COL2A1: variants seen among roughly 807,000 people sequenced by gnomAD.
The protein encoded by COL2A1 is collagen alpha-1(II) chain.
COL2A1 carries 28 observed loss-of-function variants against 204.5 expected under a neutral mutation model. The ratio of observed to expected loss-of-function variants is 0.14; its 90% confidence interval spans 0.10 to 0.19. The LOEUF is 0.19. COL2A1 is among the 10% of genes least tolerant of loss of function. The pLI, the probability that COL2A1 is intolerant of heterozygous loss-of-function variation, is 1.00. For missense variants in COL2A1, 1,388 were observed against 2,027.5 expected (o/e 0.68, Z 6.06); for synonymous variants, 708 against 718.7 (o/e 0.99, Z 0.24).
At chr12:48,002,223 C>A (rs771831832) in intron 1 of COL2A1, among the ~76,000 whole-genome samples, 1 of 152,210 alleles carries the variant, frequency 6.6e-6, no homozygotes, top group Non-Finnish European at 1.5e-5. Context: ...GGATTGAGAT[C>A]TCTCCCCTGA....
rs1402235980 is a variant in COL2A1, at chr12:47,980,329, CAGG to C, written c.2625+222_2625+224del. On this transcript the variant is annotated intron_variant, in intron 39 of 53. Coordinates refer to ENST00000380518, the MANE Select transcript of COL2A1 (RefSeq NM_001844.5). This position sits in a 1 kb window ranked among gnomAD's most constrained non-coding sequence, Gnocchi z 4.5. Reference sequence around the variant, plus strand: ...CTTCCTGCCACCGCCCCCTCCTCCCCAGGAGATCAGCAGCTTGGTTCTGGCTGG... The same window carrying C: ...CTTCCTGCCACCGCCCCCTCCTCCCCAGATCAGCAGCTTGGTTCTGGCTGG... 6.6e-6 allele frequency among the ~76,000 whole-genome samples: 1 copy of C among 152,166 alleles called. No individual in the cohort carries two copies. The highest frequency in any genetic ancestry group is 1.5e-5 in the Non-Finnish European group (1 of 68,012).
intron 9 of COL2A1, 35 bp from the exon 10 acceptor site, chr12:47,995,798 T>C (rs758677208): frequency 2.9e-5 from 46 of 1,612,042 alleles, no homozygotes; most frequent in Admixed American, 5.0e-5. Flanking sequence ...GGTCAATCCC[T>C]ATAAACTGCT....
intron 1 of COL2A1, chr12:48,002,948 C>G (rs1004234830): frequency 2.0e-5 from 3 of 152,276 alleles, no homozygotes; most frequent in Non-Finnish European, 2.9e-5. Flanking sequence ...TCCCTGGAAA[C>G]AGCCTGGTGG....
Position 47,980,764 on chromosome 12 carries a change from G to T in COL2A1, c.2518-103C>A. The T allele has an allele frequency of 7.2e-7, 1 of 1,387,168 alleles. No homozygotes were observed. Among genetic ancestry groups the T allele is most frequent in the Non-Finnish European group, 1.0e-6 (1 of 996,632 alleles). The allele number at this position is 1,387,168 out of a possible 1,614,324, so 85.9% of individuals were successfully genotyped here. ...TGTGAGTATCTGCGTGTGTGTCCTG[G>T]TCTGGACATGATGGTTCTATTAGTA... On this transcript the variant is annotated intron_variant, in intron 38 of 53. Coordinates refer to ENST00000380518, the MANE Select transcript of COL2A1 (RefSeq NM_001844.5). This position sits in a 1 kb window ranked among gnomAD's most constrained non-coding sequence, Gnocchi z 4.5.
chr12:47,993,103 A>T (rs1159432561), intron 15 of COL2A1, among the ~76,000 whole-genome samples, 172 bp from the exon 16 acceptor site: 1 of 152,144 alleles, frequency 6.6e-6, no homozygotes, highest in Non-Finnish European at 1.5e-5. Context: ...GATGCCTCAG[A>T]TCACACCCAA....
At position 47,973,018 on chromosome 12, in the gene COL2A1, A is replaced by G; in HGVS notation, c.*389T>C. ...AATATCAATTGATGTTTTAAAAAATACAGAGGTGTTTGACACAGAATAGCA... is the reference window on the plus strand; with the variant it reads ...AATATCAATTGATGTTTTAAAAAATGCAGAGGTGTTTGACACAGAATAGCA... On this transcript the variant is annotated 3_prime_UTR_variant, in exon 54 of 54. Transcript: ENST00000380518. 2 of 513,036 alleles carry G rather than the reference A, an allele frequency of 3.9e-6. No homozygotes were observed. The allele number at this position is 513,036 out of a possible 1,614,324, so 31.8% of individuals were successfully genotyped here.
intron 16 of COL2A1, among the ~76,000 whole-genome samples, chr12:47,990,757 G>A (rs1197004401): frequency 6.6e-6 from 1 of 152,208 alleles, no homozygotes; most frequent in African/African-American, 2.4e-5. Context: ...GACTTGGAGG[G>A]GGAGGGTTTT....
At position 47,980,891 on chromosome 12, in the gene COL2A1, A is replaced by C; in HGVS notation, c.2517+24T>G. On this transcript the variant is annotated intron_variant, in intron 38 of 53. Coordinates refer to ENST00000380518, the MANE Select transcript of COL2A1 (RefSeq NM_001844.5). The surrounding 1 kb of genome is among the most constrained non-coding windows in gnomAD (Gnocchi z 4.5). ...GGAACTGGCCTGAGTGGAGGGACCC[A>C]GGAGGATGGACAGAGATACTCACAG... is the stretch of plus-strand genomic sequence containing the variant. 1 of 1,552,108 alleles carries C rather than the reference A, an allele frequency of 6.4e-7. No individual in the cohort carries two copies. The highest frequency in any genetic ancestry group is 2.0e-5 in the Admixed American group (1 of 51,076).
At chr12:47,985,152 A>T (rs1433991422) in intron 26 of COL2A1, 59 bp from the exon 27 acceptor site, 1 of 1,378,758 alleles carries the variant, frequency 7.3e-7, no homozygotes, top group Admixed American at 1.8e-5. Context: ...CATCCACCCA[A>T]CATCCACTAA....
At position 47,980,840 on chromosome 12, in the gene COL2A1, C is replaced by T; in HGVS notation, c.2517+75G>A. On this transcript the variant is annotated intron_variant, in intron 38 of 53. Transcript: ENST00000380518. This position sits in a 1 kb window ranked among gnomAD's most constrained non-coding sequence, Gnocchi z 4.5. ...AGCATCCATTTCCCTCCCTGACAAG[C>T]TCCGATGCCCGAGGGTGCTGGATGT... is the stretch of plus-strand genomic sequence containing the variant. 6.6e-7 allele frequency: 1 copy of T among 1,519,316 alleles called. No individual in the cohort carries two copies. The highest frequency in any genetic ancestry group is 8.9e-7 in the Non-Finnish European group (1 of 1,117,620). 94.1% of individuals were successfully genotyped at this position (1,519,316 alleles called of 1,614,324 possible). A position where few individuals can be genotyped will look rare whatever the true frequency, so the allele number is the denominator to read the frequency against.
intron 23 of COL2A1, among the ~76,000 whole-genome samples, 170 bp downstream of exon 23, chr12:47,986,166 T>C (rs796789561): frequency 1.8e-4 from 27 of 152,282 alleles, no homozygotes; most frequent in African/African-American, 6.5e-4. Flanking sequence ...AGTCTGGTGG[T>C]TGGCGGCACA....
At chr12:47,984,416 G>A (rs1334875849) in intron 28 of COL2A1, 130 bp downstream of exon 28, 1 of 988,354 alleles carries the variant, frequency 1.0e-6, no homozygotes, top group African/African-American at 1.6e-5. Context: ...GCCAGCATGG[G>A]GCTCAGCCAC....
chr12:47,982,775 C>T (rs901081958), intron 33 of COL2A1, 73 bp downstream of exon 33: 10 of 1,401,520 alleles, frequency 7.1e-6, no homozygotes, highest in African/African-American at 4.2e-5. Context: ...CTCCTGAGCC[C>T]GCTCCTCTTC....
chr12:47,997,890 C>G lies in COL2A1; in HGVS notation c.410G>C (p.Arg137Pro), dbSNP rs201675352. Residue 137 changes from arginine to proline, a missense_variant, in exon 6 of 54, where the codon CGT becomes CCT. This residue lies in a region of COL2A1 where 201 missense variants were observed against 242.4 expected (regional missense o/e 0.83). Transcript: ENST00000380518. Reference protein sequence around the residue: ...PAGEQGPRGDRGDKGEKGAPG... With the variant: ...PAGEQGPRGDPGDKGEKGAPG... ...ACTCACTTTTTCACCTTTGTCACCA[C>G]GATCCCCTCTGGGTCCTTGTTCCCC... is the stretch of plus-strand genomic sequence containing the variant. 6.2e-7 allele frequency: 1 copy of G among 1,614,000 alleles called. No individual in the cohort carries two copies. Among genetic ancestry groups the G allele is most frequent in the African/African-American group, 1.3e-5 (1 of 74,934 alleles).
At chr12:47,984,854 C>T (rs1939302702) in intron 27 of COL2A1, 141 bp downstream of exon 27, 2 of 805,006 alleles carry the variant, frequency 2.5e-6, no homozygotes, top group Non-Finnish European at 4.2e-6. Context: ...CATACAGACC[C>T]CCACTGCCAC....
At chr12:47,985,490 GAGATCCCCCCA>G (rs748003664) in intron 26 of COL2A1, 33 bp downstream of exon 26, 22 of 1,595,016 alleles carry the variant, frequency 1.4e-5, no homozygotes, top group Non-Finnish European at 1.8e-5. Flanking sequence ...CTTCCCCAGG[GAGATCCCCCCA>G]CCCTCCTAGC....
At chr12:47,984,265 C>T in intron 28 of COL2A1, 125 bp from the exon 29 acceptor site, 1 of 886,962 alleles carries the variant, frequency 1.1e-6, no homozygotes, top group Non-Finnish European at 1.8e-6. Flanking sequence ...CAGCTGAGCT[C>T]CATTTCCACA....
chr12:47,981,661 C>G, intron 36 of COL2A1, 115 bp downstream of exon 36: 1 of 1,277,914 alleles, frequency 7.8e-7, no homozygotes, highest in African/African-American at 1.5e-5. Flanking sequence ...CTCCTACGGC[C>G]TTGGCCGAGG....
intron 26 of COL2A1, 47 bp downstream of exon 26, chr12:47,985,487 A>G (rs774152663): frequency 2.5e-6 from 4 of 1,588,980 alleles, no homozygotes; most frequent in East Asian, 2.2e-5. Flanking sequence ...TTGCTTCCCC[A>G]GGGAGATCCC....
Sources: gnomAD v4.1 joint callset for allele counts (sites outside exome capture counted in the v4.1 genomes callset) on GRCh38, gnomAD v4.1.1 for gene constraint, gnomAD v4.1.1 regional missense constraint, Gnocchi (gnomAD v3.1) non-coding constraint, MANE v1.5 for transcripts, NCBI Gene and HGNC (gene_info 2026-07-23, HGNC 2026-07-21) for gene names.